ZFAND6: variants seen among roughly 807,000 people sequenced by gnomAD.
ZFAND6 encodes the protein zinc finger AN1-type containing 6, also known as AN1-type zinc finger protein 6.
In ZFAND6, 12 loss-of-function variants were observed where a neutral mutation model predicts 24.5. The observed-to-expected ratio is 0.49, with a 90% CI of 0.31 to 0.79. The LOEUF (loss-of-function observed/expected upper bound fraction) is 0.79, where lower values mean the gene tolerates loss of function less well. ZFAND6 is among the 30% of genes least tolerant of loss of function. The pLI, the probability that ZFAND6 is intolerant of heterozygous loss-of-function variation, is 0.04. For missense variants in ZFAND6, 207 were observed against 245.9 expected (o/e 0.84, Z 1.06); for synonymous variants, 92 against 81.5 (o/e 1.13, Z -0.69).
chr15:80,106,260 G>T (rs1303731793), intron 2 of ZFAND6, among the ~76,000 whole-genome samples: 1 of 152,194 alleles, frequency 6.6e-6, no homozygotes, highest in Admixed American at 6.5e-5. Context: ...CATCCAGCAT[G>T]TATTTGAGTA....
chr15:80,124,822 GTT>G (rs2040304451), intron 5 of ZFAND6, among the ~76,000 whole-genome samples: 2 of 152,102 alleles, frequency 1.3e-5, no homozygotes, highest in Admixed American at 1.3e-4. Context: ...TTAGGTATAA[GTT>G]TCATCTCAGT....
chr15:80,075,852 G>A (rs1271988931), intron 1 of ZFAND6, among the ~76,000 whole-genome samples: 3 of 152,096 alleles, frequency 2.0e-5, no homozygotes, highest in African/African-American at 7.2e-5. Flanking sequence ...TGGTAGAAGA[G>A]AGCAGATCCA....
At chr15:80,075,862 A>G (rs1199485710) in intron 1 of ZFAND6, among the ~76,000 whole-genome samples, 3 of 152,154 alleles carry the variant, frequency 2.0e-5, no homozygotes, top group African/African-American at 7.2e-5. Flanking sequence ...GAGCAGATCC[A>G]TCTATCCCTG....
intron 5 of ZFAND6, among the ~76,000 whole-genome samples, chr15:80,123,988 C>T (rs528055192): frequency 6.0e-5 from 9 of 151,252 alleles, no homozygotes; most frequent in Non-Finnish European, 7.4e-5. Context: ...TAGATTTTGC[C>T]GTAACAAAAG....
chr15:80,063,037 A>G (rs558511143), intron 1 of ZFAND6, among the ~76,000 whole-genome samples: 1 of 152,252 alleles, frequency 6.6e-6, no homozygotes. Flanking sequence ...TAAATTTGTA[A>G]ATTACAGTAT....
rs549244645 is a variant in ZFAND6, at chr15:80,100,339, C to G, written c.-18+1761C>G. Among the ~76,000 whole-genome samples the G allele has an allele frequency of 2.0e-5, 3 of 152,164 alleles. No individual in the cohort carries two copies. In the East Asian group the frequency reaches 5.8e-4, roughly 29 times the overall value. On this transcript the variant is annotated intron_variant, in intron 2 of 6. Transcript: ENST00000261749. ...TAAGGAAAATTCAAGGTGAGAGAGG[C>G]CTTTGGAACATACTAATGAAACTTT...
intron 1 of ZFAND6, among the ~76,000 whole-genome samples, chr15:80,091,444 G>T (rs1189537085): frequency 6.6e-6 from 1 of 151,936 alleles, no homozygotes; most frequent in African/African-American, 2.4e-5. Context: ...AAGGTAACCA[G>T]GACCTTTCGT....
chr15:80,105,072 G>A (rs1049382596), intron 2 of ZFAND6, among the ~76,000 whole-genome samples: 1 of 152,138 alleles, frequency 6.6e-6, no homozygotes, highest in Non-Finnish European at 1.5e-5. Flanking sequence ...TTGTGATGTG[G>A]CCTTATTCTA....
chr15:80,085,583 AC>A (rs1175089776), intron 1 of ZFAND6, among the ~76,000 whole-genome samples: 1 of 152,226 alleles, frequency 6.6e-6, no homozygotes, highest in African/African-American at 2.4e-5. Context: ...ATAGGCAAAA[AC>A]AAAAAACACT....
intron 1 of ZFAND6, among the ~76,000 whole-genome samples, chr15:80,096,568 T>C (rs1252847504): frequency 3.9e-5 from 6 of 152,254 alleles, no homozygotes; most frequent in African/African-American, 1.4e-4. Context: ...TCTTACAGCA[T>C]AGCAAATGTT....
chr15:80,097,673 A>AACAAATAC (rs2038808352), intron 1 of ZFAND6, among the ~76,000 whole-genome samples: 1 of 150,520 alleles, frequency 6.6e-6, no homozygotes, highest in Non-Finnish European at 1.5e-5. Context: ...TAAATAAATA[A>AACAAATAC]ATACATACAT....
chr15:80,113,066 A>ACT (rs1234290939), intron 2 of ZFAND6, among the ~76,000 whole-genome samples: 2 of 151,806 alleles, frequency 1.3e-5, no homozygotes, highest in African/African-American at 4.8e-5. Context: ...TACTAGTTCA[A>ACT]AGCTTAATGT....
At chr15:80,107,887 G>A (rs1596280192) in intron 2 of ZFAND6, among the ~76,000 whole-genome samples, 1 of 151,280 alleles carries the variant, frequency 6.6e-6, no homozygotes, top group East Asian at 2.0e-4. Flanking sequence ...AGCGGGGAGG[G>A]GGAAGGACCT....
At chr15:80,061,934 A>G (rs1455282462) in intron 1 of ZFAND6, among the ~76,000 whole-genome samples, 3 of 152,210 alleles carry the variant, frequency 2.0e-5, no homozygotes. Context: ...TCATAGCCGT[A>G]GTGATTGAAC....
At chr15:80,088,466 C>T (rs562645625) in intron 1 of ZFAND6, among the ~76,000 whole-genome samples, 11 of 152,008 alleles carry the variant, frequency 7.2e-5, no homozygotes, top group Non-Finnish European at 7.4e-5. Flanking sequence ...CTCAGGAGGC[C>T]GAAGCAGGAG....
At chr15:80,100,115 A>G (rs977874569) in intron 2 of ZFAND6, among the ~76,000 whole-genome samples, 2 of 152,340 alleles carry the variant, frequency 1.3e-5, no homozygotes, top group East Asian at 1.9e-4. Context: ...CAGTATTTCT[A>G]GAGAATAAAT....
At chr15:80,118,923 T>C (rs981755728) in intron 2 of ZFAND6, among the ~76,000 whole-genome samples, 4 of 152,224 alleles carry the variant, frequency 2.6e-5, no homozygotes, top group African/African-American at 9.6e-5. Context: ...TGTGAATGCT[T>C]TTCTTGGGTG....
chr15:80,131,483 T>G, intron 6 of ZFAND6, 190 bp downstream of exon 6: 1 of 471,914 alleles, frequency 2.1e-6, no homozygotes, highest in South Asian at 6.1e-5. Context: ...AATGAATAGC[T>G]TTTTTAAAAA....
chr15:80,113,381 T>C (rs1386321139), intron 2 of ZFAND6, among the ~76,000 whole-genome samples: 2 of 152,216 alleles, frequency 1.3e-5, no homozygotes, highest in Non-Finnish European at 2.9e-5. Flanking sequence ...AAATAATAGG[T>C]ACTGGCCAAT....
Sources: gnomAD v4.1 joint callset for allele counts (sites outside exome capture counted in the v4.1 genomes callset) on GRCh38, gnomAD v4.1.1 for gene constraint, MANE v1.5 for transcripts, NCBI Gene and HGNC (gene_info 2026-07-23, HGNC 2026-07-21) for gene names.